MACROD2: variants seen among roughly 807,000 people sequenced by gnomAD.
MACROD2 encodes ADP-ribose glycohydrolase MACROD2.
In MACROD2, 36 loss-of-function variants were observed where a neutral mutation model predicts 70.4. The observed-to-expected ratio is 0.51, with a 90% CI of 0.39 to 0.68. The LOEUF (loss-of-function observed/expected upper bound fraction) is 0.68. Among genes scored for constraint, MACROD2 ranks in the 30% least tolerant of loss-of-function variants. The pLI is 0.00. For synonymous variants in MACROD2, 172 were observed against 178.8 expected (o/e 0.96, Z 0.30); for missense variants, 496 against 538.4 (o/e 0.92, Z 0.78).
At chr20:15,216,790 C>T (rs2076814353) in intron 5 of MACROD2, among the ~76,000 whole-genome samples, 1 of 152,102 alleles carries the variant, frequency 6.6e-6, no homozygotes, top group Non-Finnish European at 1.5e-5. Context: ...AGAAGACGCC[C>T]GTGAAACTGC....
At chr20:15,959,595 T>C (rs2066029433) in intron 12 of MACROD2, among the ~76,000 whole-genome samples, 1 of 152,218 alleles carries the variant, frequency 6.6e-6, no homozygotes, top group African/African-American at 2.4e-5. Context: ...AGTGGCACGA[T>C]ATTGGCTCAC....
At chr20:14,853,948 T>C (rs2073226306) in intron 5 of MACROD2, among the ~76,000 whole-genome samples, 1 of 152,148 alleles carries the variant, frequency 6.6e-6, no homozygotes, top group South Asian at 2.1e-4. Context: ...AAGTGTATTT[T>C]AGTTAGATTT....
chr20:14,999,915 C>A (rs1361800322), intron 5 of MACROD2, among the ~76,000 whole-genome samples: 1 of 152,064 alleles, frequency 6.6e-6, no homozygotes, highest in African/African-American at 2.4e-5. Flanking sequence ...TGAAAAGTTG[C>A]AGAATAATGC....
In MACROD2 at chr20:15,735,982, A is replaced by G. The variant is rs142264149; in HGVS notation, c.646-126763A>G. 3.8e-3 allele frequency among the ~76,000 whole-genome samples: 574 copies of G among 152,320 alleles called. 4 individuals are homozygous for G. Among genetic ancestry groups the G allele is most frequent in the African/African-American group, 0.013 (544 of 41,570 alleles). ...AAACTCCTTAGGGATATATATACAT[A>G]TATCTGAGATACGGCATCATGGTAG... On this transcript the variant is annotated intron_variant, in intron 8 of 17. Transcript: ENST00000684519.
At chr20:15,950,687 A>G (rs1438461476) in intron 12 of MACROD2, among the ~76,000 whole-genome samples, 1 of 152,164 alleles carries the variant, frequency 6.6e-6, no homozygotes, top group Non-Finnish European at 1.5e-5. Context: ...GCTCTTGCTC[A>G]GATATTCCCA....
chr20:14,008,277 C>T (rs1169853484), intron 2 of MACROD2, among the ~76,000 whole-genome samples: 2 of 152,216 alleles, frequency 1.3e-5, no homozygotes, highest in African/African-American at 4.8e-5. Flanking sequence ...AGCAAAGTCT[C>T]AGGATACAAA....
chr20:15,499,654 G>C, intron 7 of MACROD2, 120 bp from the exon 8 acceptor site: 1 of 818,850 alleles, frequency 1.2e-6, no homozygotes, highest in Non-Finnish European at 2.0e-6. Flanking sequence ...ACTGAGGCCT[G>C]TACTTATTGG....
At chr20:14,084,961 A>G (rs1370319429) in intron 2 of MACROD2, among the ~76,000 whole-genome samples, 3 of 149,842 alleles carry the variant, frequency 2.0e-5, no homozygotes, top group Non-Finnish European at 4.4e-5. Flanking sequence ...TGTCTCTACT[A>G]AAAATACAAA....
At chr20:14,810,746 G>T (rs2072699739) in intron 5 of MACROD2, among the ~76,000 whole-genome samples, 1 of 152,026 alleles carries the variant, frequency 6.6e-6, no homozygotes, top group Non-Finnish European at 1.5e-5. Flanking sequence ...AAAGTCTCAG[G>T]ATACAAAATC....
chr20:14,680,826 A>G (rs926443500), intron 4 of MACROD2, among the ~76,000 whole-genome samples: 7 of 152,182 alleles, frequency 4.6e-5, no homozygotes, highest in Non-Finnish European at 1.0e-4. Context: ...AGGAGATGGG[A>G]AATTTCAGGA....
At chr20:15,817,343 G>A (rs921954286) in intron 8 of MACROD2, among the ~76,000 whole-genome samples, 3 of 152,224 alleles carry the variant, frequency 2.0e-5, no homozygotes, top group Non-Finnish European at 4.4e-5. Context: ...ATACAGCACT[G>A]TTGTTAGATT....
intron 2 of MACROD2, among the ~76,000 whole-genome samples, chr20:14,029,551 G>A (rs1006258333): frequency 3.3e-5 from 5 of 152,098 alleles, no homozygotes; most frequent in African/African-American, 9.7e-5. Context: ...TTGGAGCATC[G>A]TGTCAAAGTT....
At chr20:14,938,940 A>ATTTTTTTTTTTTTTTTTTTT (rs1230863391) in intron 5 of MACROD2, among the ~76,000 whole-genome samples, 6 of 86,466 alleles carry the variant, frequency 6.9e-5, no homozygotes, top group African/African-American at 1.7e-4. Context: ...GTTAAATCAG[A>ATTTTTTTTTTTTTTTTTTTT]TTTTTTTTTT....
Position 14,797,141 on chromosome 20 carries a change from T to C in MACROD2, c.418+112182T>C, listed in dbSNP as rs1464514475. On this transcript the variant is annotated intron_variant, in intron 5 of 17. Coordinates refer to ENST00000684519, the MANE Select transcript of MACROD2 (RefSeq NM_001351661.2). ...CTCGCATCTCCTTCTCTGTATTCATTGACTTGACCCCTGCTGAGCCCAAAC... is the reference window on the plus strand; with the variant it reads ...CTCGCATCTCCTTCTCTGTATTCATCGACTTGACCCCTGCTGAGCCCAAAC... Among the ~76,000 whole-genome samples the C allele has an allele frequency of 2.0e-5, 3 of 152,072 alleles. No homozygotes were observed. The East Asian group carries it at 5.8e-4, about 29-fold the overall frequency.
chr20:14,784,364 C>T (rs1387245851), intron 5 of MACROD2, among the ~76,000 whole-genome samples: 1 of 152,124 alleles, frequency 6.6e-6, no homozygotes, highest in African/African-American at 2.4e-5. Context: ...TTGTATATTT[C>T]TATTGCAGTC....
chr20:14,780,436 C>A (rs1380245221), intron 5 of MACROD2, among the ~76,000 whole-genome samples: 1 of 151,782 alleles, frequency 6.6e-6, no homozygotes, highest in Non-Finnish European at 1.5e-5. Context: ...GTGACGCATG[C>A]CGGTAATCCC....
chr20:14,908,283 G>A (rs904625632), intron 5 of MACROD2, among the ~76,000 whole-genome samples: 30 of 152,146 alleles, frequency 2.0e-4, no homozygotes, highest in Non-Finnish European at 4.4e-5. Flanking sequence ...AGCGGTTGCA[G>A]TGAGCTGAGA....
chr20:15,581,855 C>T (rs1464344166), intron 8 of MACROD2, among the ~76,000 whole-genome samples: 1 of 152,226 alleles, frequency 6.6e-6, no homozygotes, highest in Non-Finnish European at 1.5e-5. Context: ...GGCACAGTGG[C>T]TCACACCTAT....
At chr20:15,867,303 G>T (rs2064507024) in intron 9 of MACROD2, among the ~76,000 whole-genome samples, 1 of 152,120 alleles carries the variant, frequency 6.6e-6, no homozygotes, top group Admixed American at 6.6e-5. Context: ...GCACAATTAA[G>T]CCCATAAAAT....
Sources: allele counts gnomAD v4.1 joint callset (sites outside exome capture counted in the v4.1 genomes callset), GRCh38; gene constraint gnomAD v4.1.1; transcripts MANE v1.5; gene names NCBI Gene and HGNC (gene_info 2026-07-23, HGNC 2026-07-21).